Variants in SVEP1 observed in about 807,000 individuals in gnomAD.
SVEP1 encodes the protein sushi, von Willebrand factor type A, EGF and pentraxin domain-containing protein 1.
A neutral mutation model predicts 367.3 loss-of-function variants in SVEP1; 164 were observed. The ratio of observed to expected loss-of-function variants is 0.45; its 90% CI spans 0.39 to 0.51. The LOEUF is 0.51. Ranked by LOEUF, SVEP1 falls within the 20% of genes least tolerant of loss-of-function variation. The pLI is 0.00. For missense variants in SVEP1, 4,117 were observed against 4,425.3 expected (o/e 0.93, Z 1.98); for synonymous variants, 1,666 against 1,611.6 (o/e 1.03, Z -0.81).
intron 1 of SVEP1, among the ~76,000 whole-genome samples, chr9:110,574,271 G>A (rs900844602): frequency 1.1e-4 from 17 of 152,234 alleles, no homozygotes; most frequent in African/African-American, 3.9e-4. Flanking sequence ...TTATGTGTTT[G>A]CCTGTGATTG....
chr9:110,501,965 C>T (rs7033037), intron 6 of SVEP1, among the ~76,000 whole-genome samples: 62,202 of 151,802 alleles, frequency 0.41, 12,833 homozygotes, highest in East Asian at 0.55. Flanking sequence ...TACAGACCAA[C>T]GTAATGTTGG....
At chr9:110,560,908 C>T (rs1046706737) in intron 1 of SVEP1, among the ~76,000 whole-genome samples, 9 of 152,234 alleles carry the variant, frequency 5.9e-5, no homozygotes, top group Non-Finnish European at 2.9e-5. Flanking sequence ...GTTCTTCTTT[C>T]GAATCCATTT....
chr9:110,413,637 C>T (rs2118512951), intron 36 of SVEP1, among the ~76,000 whole-genome samples: 1 of 152,056 alleles, frequency 6.6e-6, no homozygotes, highest in Non-Finnish European at 1.5e-5. Context: ...AGTCGTTATG[C>T]ACAGATGTTG....
At chr9:110,483,241 T>G (rs1406824985) in intron 10 of SVEP1, among the ~76,000 whole-genome samples, 3 of 152,194 alleles carry the variant, frequency 2.0e-5, no homozygotes. Flanking sequence ...AGTCTGAATA[T>G]ATAGATGTGC....
At chr9:110,538,920 G>T (rs1830111080) in intron 3 of SVEP1, among the ~76,000 whole-genome samples, 1 of 152,060 alleles carries the variant, frequency 6.6e-6, no homozygotes, top group African/African-American at 2.4e-5. Flanking sequence ...TTGATTTGTT[G>T]TTGGCAAAGG....
intron 40 of SVEP1, among the ~76,000 whole-genome samples, chr9:110,394,310 A>G (rs1827721738): frequency 6.6e-6 from 1 of 152,220 alleles, no homozygotes; most frequent in Non-Finnish European, 1.5e-5. Flanking sequence ...TTGAAGGAAA[A>G]CTAACAAACA....
Position 110,408,928 on chromosome 9 carries a change from C to A in SVEP1, c.6672G>T (p.Glu2224Asp). ...GGTTACACTGATACCTCACTTCACT[C>A]TCAAAGATCCTGCCAGTTGTATGCT... ...FLEHTTGRIFESEVRYQCNPG... is the reference protein window; with the variant it reads ...FLEHTTGRIFDSEVRYQCNPG... The change falls in exon 38 of 48, where the codon GAG (glutamate) becomes GAT (aspartate). Residue 2224 changes from glutamate to aspartate, a missense_variant. Around this residue, in one of 4 missense-constraint regions of SVEP1, gnomAD observed 1,765 missense variants for 1,781.1 expected, o/e 0.99. Coordinates refer to ENST00000374469, the MANE Select transcript of SVEP1 (RefSeq NM_153366.4). The A allele has an allele frequency of 1.3e-6, 2 of 1,591,090 alleles. No individual in the cohort carries two copies. Among genetic ancestry groups the A allele is most frequent in the Non-Finnish European group, 1.7e-6 (2 of 1,168,656 alleles).
chr9:110,524,611 T>C (rs1393814490), intron 3 of SVEP1, among the ~76,000 whole-genome samples: 2 of 151,942 alleles, frequency 1.3e-5, no homozygotes, highest in African/African-American at 2.4e-5. Flanking sequence ...AACAAAATTG[T>C]CACCAATTTA....
At chr9:110,443,027 A>C (rs923620205) in intron 27 of SVEP1, 2 of 152,248 alleles carry the variant, frequency 1.3e-5, no homozygotes, top group Non-Finnish European at 2.9e-5. Context: ...ATGTATCCAG[A>C]TAGAACAAGC....
At chr9:110,434,567 C>G (rs1209455422) in intron 29 of SVEP1, 61 bp from the exon 30 acceptor site, 6 of 1,411,180 alleles carry the variant, frequency 4.3e-6, no homozygotes, top group Non-Finnish European at 5.7e-6. Flanking sequence ...ATCACCAAGT[C>G]AATGATTTCA....
intron 30 of SVEP1, among the ~76,000 whole-genome samples, chr9:110,433,537 C>G (rs1427191608): frequency 6.9e-6 from 1 of 145,754 alleles, no homozygotes; most frequent in Non-Finnish European, 1.5e-5. Context: ...GGTGCAATCT[C>G]AATTCACTGC....
At chr9:110,517,290 T>C (rs1017426554) in intron 3 of SVEP1, among the ~76,000 whole-genome samples, 4 of 150,958 alleles carry the variant, frequency 2.6e-5, no homozygotes, top group African/African-American at 9.8e-5. Context: ...GCTACACCCA[T>C]CTCTTAAAAA....
intron 36 of SVEP1, among the ~76,000 whole-genome samples, chr9:110,425,876 G>T (rs1828245803): frequency 6.6e-6 from 1 of 152,122 alleles, no homozygotes; most frequent in African/African-American, 2.4e-5. Context: ...ATTTGTCTTT[G>T]GGTAATAAAA....
intron 36 of SVEP1, among the ~76,000 whole-genome samples, chr9:110,426,571 T>C (rs1828256736): frequency 6.6e-6 from 1 of 152,198 alleles, no homozygotes; most frequent in Non-Finnish European, 1.5e-5. Context: ...TGTCAGCTTG[T>C]GAAGAACAAC....
At chr9:110,574,935 C>T (rs571970027) in intron 1 of SVEP1, among the ~76,000 whole-genome samples, 19 of 151,888 alleles carry the variant, frequency 1.3e-4, no homozygotes, top group African/African-American at 3.4e-4. Flanking sequence ...TTAGTAGAGA[C>T]GGAGTTTCAC....
In SVEP1 at chr9:110,436,520, G is replaced by GAGAA. The variant is rs1828432949; in HGVS notation, c.4640-20_4640-17dup. The GAGAA allele has an allele frequency of 6.2e-7, 1 of 1,611,202 alleles. No individual in the cohort carries two copies. Among genetic ancestry groups the GAGAA allele is most frequent in the Non-Finnish European group, 8.5e-7 (1 of 1,178,482 alleles). On this transcript the variant is annotated splice_polypyrimidine_tract_variant and intron_variant, in intron 27 of 47. Coordinates refer to ENST00000374469, the MANE Select transcript of SVEP1 (RefSeq NM_153366.4). ...GCACCACCACCTAAGGAGAGAGAAA[G>GAGAA]AGAAAGAAAAGGAGGAAAACTGGCC...
chr9:110,394,066 G>T (rs1448027873), intron 40 of SVEP1, among the ~76,000 whole-genome samples: 2 of 152,158 alleles, frequency 1.3e-5, no homozygotes, highest in African/African-American at 4.8e-5. Flanking sequence ...CTCCTCAAGT[G>T]GGTCCCTGAC....
chr9:110,428,456 C>T (rs540315494), intron 35 of SVEP1, among the ~76,000 whole-genome samples: 2 of 147,174 alleles, frequency 1.4e-5, no homozygotes, highest in South Asian at 4.2e-4. Context: ...TGTTAAGAAC[C>T]TAGCCCCTTA....
intron 39 of SVEP1, 122 bp downstream of exon 39, chr9:110,404,205 C>T: frequency 1.1e-6 from 1 of 941,790 alleles, no homozygotes; most frequent in Non-Finnish European, 1.6e-6. Context: ...TTTTCAAATC[C>T]TTTGAAATGA....
Sources: allele counts gnomAD v4.1 joint callset (sites outside exome capture counted in the v4.1 genomes callset), GRCh38; gene constraint gnomAD v4.1.1; regional missense constraint gnomAD v4.1.1; transcripts MANE v1.5; gene names NCBI Gene and HGNC (gene_info 2026-07-23, HGNC 2026-07-21).